The following ZIC4 variants were observed in gnomAD, a reference collection of about 807,000 sequenced individuals.
ZIC4 encodes zinc finger protein ZIC 4.
In ZIC4, 15 loss-of-function variants were observed where a neutral mutation model predicts 28.8. The observed-to-expected ratio is 0.52, with a 90% CI of 0.35 to 0.80. ZIC4 has a LOEUF of 0.80. ZIC4 is among the 30% of genes least tolerant of loss of function. ZIC4 has a pLI of 0.01. For missense variants in ZIC4, 512 were observed against 467.1 expected (o/e 1.10, Z -0.89); for synonymous variants, 220 against 198.1 (o/e 1.11, Z -0.93).
Position 147,396,877 on chromosome 3 carries a change from C to G in ZIC4, c.71-408G>C, listed in dbSNP as rs1169799283. 1.2e-5 allele frequency: 2 copies of G among 168,682 alleles called. No individual in the cohort carries two copies. The highest frequency in any genetic ancestry group is 2.5e-5 in the Non-Finnish European group (2 of 79,544). 10.4% of individuals were successfully genotyped at this position (168,682 alleles called of 1,614,324 possible). On this transcript the variant is annotated intron_variant, in intron 2 of 4. Transcript: ENST00000383075. This position sits in a 1 kb window ranked among gnomAD's most constrained non-coding sequence, Gnocchi z 4.2. ...GATGCCCTGCGGGGAGTGGAGGTGA[C>G]AGAAATGATGATGTTGGAGGTGGTG...
In ZIC4 at chr3:147,391,010, G is replaced by A. The variant is rs553284685; in HGVS notation, c.925C>T (p.Pro309Ser). 3 of 1,613,528 alleles carry A rather than the reference G, an allele frequency of 1.9e-6. No individual in the cohort carries two copies. In the East Asian group the frequency reaches 6.7e-5, roughly 36 times the overall value. ...DSATPSALVS[P>S]SSDCGHKSQV... Reference sequence around the variant, plus strand: ...GACTTGTGGCCGCAGTCCGACGAGGGCGACACGAGGGCAGACGGTGTAGCC... The same window carrying A: ...GACTTGTGGCCGCAGTCCGACGAGGACGACACGAGGGCAGACGGTGTAGCC... Residue 309 changes from proline (P) to serine (S), a missense_variant, in exon 4 of 5, where the codon CCC becomes TCC. Pro to Ser is a moderately conservative substitution (Grantham distance 74). Coordinates refer to ENST00000383075, the MANE Select transcript of ZIC4 (RefSeq NM_032153.6).
rs748515187 is a variant in ZIC4 at position 147,387,179 on chromosome 3, A to G, written c.*1680T>C. The G allele has an allele frequency of 6.6e-6, 1 of 152,316 alleles. No individual in the cohort carries two copies. The highest frequency in any genetic ancestry group is 2.4e-5 in the African/African-American group (1 of 41,444). The allele number at this position is 152,316 out of a possible 1,614,324, so 9.4% of individuals were successfully genotyped here. On this transcript the variant is annotated 3_prime_UTR_variant, in exon 5 of 5. Transcript: ENST00000383075. Reference sequence around the variant, plus strand: ...GTCCCGAGGGCCCCCCAACTTCTGCATACTTCACCAGACCAGGCCCTGACC... The same window carrying G: ...GTCCCGAGGGCCCCCCAACTTCTGCGTACTTCACCAGACCAGGCCCTGACC...
At chr3:147,397,940 T>G (rs929491045) in intron 2 of ZIC4, among the ~76,000 whole-genome samples, 2 of 152,030 alleles carry the variant, frequency 1.3e-5, no homozygotes, top group African/African-American at 2.4e-5. Flanking sequence ...CATTTAGCCT[T>G]GCAGGCCCCT....
At position 147,396,100 on chromosome 3, in the gene ZIC4, G is replaced by C; in HGVS notation, c.440C>G (p.Thr147Ser). 6.2e-7 allele frequency: 1 copy of C among 1,614,220 alleles called. No homozygotes were observed. The highest frequency in any genetic ancestry group is 8.5e-7 in the Non-Finnish European group (1 of 1,180,054). Residue 147 changes from threonine to serine, a missense_variant, in exon 3 of 5, where the codon ACT becomes AGT. Physicochemically the swap from Thr to Ser is moderately conservative, Grantham distance 58. Around this residue, in one of 3 missense-constraint regions of ZIC4, gnomAD observed 310 missense variants for 256.5 expected, o/e 1.21. Transcript: ENST00000383075. The surrounding 1 kb of genome is among the most constrained non-coding windows in gnomAD (Gnocchi z 4.2). ...GACCAGCTCGTGCATGGTGCTGAAA[G>C]TTTTGGAGCAGAGGCTCGGGGTCGC... ...GTATPSLCSK[T>S]FSTMHELVTH...
chr3:147,398,210 A>G (rs2087091035), intron 2 of ZIC4, among the ~76,000 whole-genome samples: 1 of 152,190 alleles, frequency 6.6e-6, no homozygotes, highest in Non-Finnish European at 1.5e-5. Context: ...CCTGAGCGCT[A>G]TACCCCGCAG....
Position 147,396,008 on chromosome 3 carries a change from A to C in ZIC4, c.532T>G (p.Cys178Gly). 1 of 1,614,068 alleles carries C rather than the reference A, an allele frequency of 6.2e-7. No homozygotes were observed. The highest frequency in any genetic ancestry group is 8.5e-7 in the Non-Finnish European group (1 of 1,180,026). Reference sequence around the variant, plus strand: ...TTGAAGGGCTTTCCCTGGCGCGGACACTCCTCCCAGAAGCAAATGTGGTTG... The same window carrying C: ...TTGAAGGGCTTTCCCTGGCGCGGACCCTCCTCCCAGAAGCAAATGTGGTTG... ...QANHICFWEE[C>G]PRQGKPFKAK... is the part of the protein sequence containing the mutation. The change falls in exon 3 of 5, where the codon TGT (cysteine) becomes GGT (glycine). Residue 178 changes from cysteine to glycine, a missense_variant. Cys to Gly is a radical substitution (Grantham distance 159, BLOSUM62 -3). Transcript: ENST00000383075. The surrounding 1 kb of genome is among the most constrained non-coding windows in gnomAD (Gnocchi z 4.2).
chr3:147,403,957 G>T (rs2107985412), intron 1 of ZIC4: 1 of 1,536,490 alleles, frequency 6.5e-7, no homozygotes. Context: ...CAGGGGGGTA[G>T]ACTCACCTTT....
Position 147,396,462 on chromosome 3 carries a change from G to A in ZIC4, c.78C>T (p.Ser26=). The part of the protein sequence containing the change: ...YRNTLKESSS[S]SGHHGPQLTA... ...TGAGCTGGGGGCCATGGTGTCCAGA[G>A]CTGCTACCTGTTGTCGAAACAAATA... The change falls in exon 3 of 5, where the codon AGC becomes AGT. Residue 26 remains serine (S), a synonymous_variant. Transcript: ENST00000383075. This position sits in a 1 kb window ranked among gnomAD's most constrained non-coding sequence, Gnocchi z 4.2. 1 of 1,512,328 alleles carries A rather than the reference G, an allele frequency of 6.6e-7. No individual in the cohort carries two copies. Among genetic ancestry groups the A allele is most frequent in the Non-Finnish European group, 8.8e-7 (1 of 1,133,714 alleles). 93.7% of individuals were successfully genotyped at this position (1,512,328 alleles called of 1,614,324 possible).
At chr3:147,390,609 G>T (rs2086891793) in intron 4 of ZIC4, among the ~76,000 whole-genome samples, 1 of 152,244 alleles carries the variant, frequency 6.6e-6, no homozygotes, top group East Asian at 1.9e-4. Context: ...AGGCGCGTGT[G>T]GGGGTGATGG....
At chr3:147,405,370 G>A in intron 1 of ZIC4, 1 of 1,535,360 alleles carries the variant, frequency 6.5e-7, no homozygotes. Flanking sequence ...GGGAAAACAT[G>A]ACCTTGGAAT....
intron 1 of ZIC4, chr3:147,405,636 C>A (rs2107987713): frequency 1.3e-6 from 1 of 753,476 alleles, no homozygotes; most frequent in South Asian, 1.6e-5. Flanking sequence ...AGTTGCTGCT[C>A]TTGTTCGCAT....
rs947581261 is a variant in ZIC4, at chr3:147,388,046, A to C, written c.*813T>G. On this transcript the variant is annotated 3_prime_UTR_variant, in exon 5 of 5. Transcript: ENST00000383075. ...AGTCCTTGTGCTCCTCCCTTTCCTG[A>C]AAGTGTCCCCTGCGCCAAAGCCTCC... The C allele has an allele frequency of 2.6e-5, 4 of 152,556 alleles. No individual in the cohort carries two copies. The highest frequency in any genetic ancestry group is 9.7e-5 in the African/African-American group (4 of 41,416). 9.5% of individuals were successfully genotyped at this position (152,556 alleles called of 1,614,324 possible). A position where few individuals can be genotyped will look rare whatever the true frequency, so the allele number is the denominator to read the frequency against.
chr3:147,404,322 A>G (rs1576465422), intron 1 of ZIC4: 5 of 1,331,640 alleles, frequency 3.8e-6, no homozygotes, highest in Middle Eastern at 5.7e-4. Context: ...CTACAGACCC[A>G]TAGACATGCA....
rs2086829627 is a variant in ZIC4, at chr3:147,388,132, T to G, written c.*727A>C. The G allele has an allele frequency of 6.6e-6, 1 of 152,504 alleles. No homozygotes were observed. The highest frequency in any genetic ancestry group is 2.1e-4 in the South Asian group (1 of 4,828). The allele number at this position is 152,504 out of a possible 1,614,324, so 9.4% of individuals were successfully genotyped here. On this transcript the variant is annotated 3_prime_UTR_variant, in exon 5 of 5. Transcript: ENST00000383075. ...CAAGTCGGGTTCTAGAAAGGAAGTA[T>G]ATACTGGAGAGCGCAGTGACAGTAT...
intron 4 of ZIC4, among the ~76,000 whole-genome samples, chr3:147,389,697 A>G (rs1355594091): frequency 1.3e-5 from 2 of 152,094 alleles, no homozygotes; most frequent in Admixed American, 1.3e-4. Context: ...TACGCAGCAT[A>G]TCAAATACAC....
At chr3:147,389,834 C>T (rs1559958093) in intron 4 of ZIC4, among the ~76,000 whole-genome samples, 2 of 152,092 alleles carry the variant, frequency 1.3e-5, no homozygotes, top group South Asian at 4.1e-4. Context: ...AGACCATCAC[C>T]GAATTGACGC....
intron 4 of ZIC4, 92 bp downstream of exon 4, chr3:147,390,839 C>A: frequency 1.1e-5 from 15 of 1,427,754 alleles, no homozygotes; most frequent in Non-Finnish European, 1.4e-5. Flanking sequence ...ATACCGGAGG[C>A]GGCGGCGGCA....
At position 147,388,477 on chromosome 3, in the gene ZIC4, G is replaced by T. The variant is rs2086839129; in HGVS notation, c.*382C>A. 1 of 254,316 alleles carries T rather than the reference G, an allele frequency of 3.9e-6. No individual in the cohort carries two copies. Among genetic ancestry groups the T allele is most frequent in the Admixed American group, 5.4e-5 (1 of 18,614 alleles). The allele number at this position is 254,316 out of a possible 1,614,324, so 15.8% of individuals were successfully genotyped here. On this transcript the variant is annotated 3_prime_UTR_variant, in exon 5 of 5. Transcript: ENST00000383075. ...AAGGGGGCTGAGCGGCGATTCAAGC[G>T]GCTCTTTTCTTCCTTCACATTATTA... is the stretch of plus-strand genomic sequence containing the variant.
In ZIC4 at chr3:147,391,198, G is replaced by A; in HGVS notation, c.737C>T (p.Ala246Val). Residue 246 changes from alanine (A) to valine (V), a missense_variant, in exon 4 of 5, where the codon GCC (alanine) becomes GTC (valine). Around this residue, in one of 3 missense-constraint regions of ZIC4, gnomAD observed 58 missense variants for 93.8 expected, o/e 0.62. Coordinates refer to ENST00000383075, the MANE Select transcript of ZIC4 (RefSeq NM_032153.6). ...CEFEGCERRF[A>V]NSSDRKKHSH... ...ATGCTTCTTACGGTCGCTGCTGTTG[G>A]CGAAGCGCCGCTCGCAGCCCTCGAA... is the stretch of plus-strand genomic sequence containing the variant. The A allele has an allele frequency of 1.9e-6, 3 of 1,606,422 alleles. No individual in the cohort carries two copies. The highest frequency in any genetic ancestry group is 2.6e-6 in the Non-Finnish European group (3 of 1,174,020).
Sources: allele counts gnomAD v4.1 joint callset (sites outside exome capture counted in the v4.1 genomes callset), GRCh38; gene constraint gnomAD v4.1.1; regional missense constraint gnomAD v4.1.1; non-coding constraint Gnocchi (gnomAD v3.1); transcripts MANE v1.5; gene names NCBI Gene and HGNC (gene_info 2026-07-23, HGNC 2026-07-21).